Variants in COL1A2 observed in about 807,000 individuals in gnomAD.
The protein encoded by COL1A2 is collagen type I alpha 2 chain, also known as collagen alpha-2(I) chain.
In COL1A2, 49 loss-of-function variants were observed where a neutral mutation model predicts 174.3. That is an observed-to-expected ratio of 0.28 (90% CI 0.22 to 0.36). The LOEUF (loss-of-function observed/expected upper bound fraction) is 0.36. Ranked by LOEUF, COL1A2 falls within the 10% of genes least tolerant of loss-of-function variation. The pLI is 1.00. For synonymous variants in COL1A2, 655 were observed against 606.6 expected, an observed-to-expected ratio of 1.08 and a Z score of -1.17; for missense variants, 1,438 against 1,822.7, an observed-to-expected ratio of 0.79 and a Z score of 3.84.
chr7:94,402,264 G>A (rs1791703208), intron 6 of COL1A2, among the ~76,000 whole-genome samples: 1 of 152,010 alleles, frequency 6.6e-6, no homozygotes, highest in Admixed American at 6.6e-5. Flanking sequence ...CCTTCAATGG[G>A]CCCTAAACTG....
At chr7:94,406,343 T>C in intron 12 of COL1A2, 40 bp downstream of exon 12, 1 of 1,592,942 alleles carries the variant, frequency 6.3e-7, no homozygotes, top group Non-Finnish European at 8.6e-7. Context: ...AAGCACTTGA[T>C]TGAAATTCCC....
chr7:94,409,526 A>C (rs1562900903), intron 17 of COL1A2, 38 bp from the exon 18 acceptor site: 1 of 1,613,906 alleles, frequency 6.2e-7, no homozygotes, highest in South Asian at 1.1e-5. Flanking sequence ...GAAATATTCC[A>C]ATTAACTGAT....
chr7:94,406,157 C>T lies in COL1A2; in HGVS notation c.541-93C>T, dbSNP rs1193378447. On this transcript the variant is annotated intron_variant, in intron 11 of 51. Transcript: ENST00000297268. Reference sequence around the variant, plus strand: ...TCTACTGCAGCAGACAAGACTTACCCAAGAGAGATTAATGGCAAAGATATA... The same window carrying T: ...TCTACTGCAGCAGACAAGACTTACCTAAGAGAGATTAATGGCAAAGATATA... The T allele has an allele frequency of 3.4e-5, 46 of 1,335,080 alleles. 1 individual carries two copies. The highest frequency in any genetic ancestry group is 2.9e-5 in the Non-Finnish European group (27 of 937,036). 82.7% of individuals were successfully genotyped at this position (1,335,080 alleles called of 1,614,324 possible).
intron 42 of COL1A2, 160 bp from the exon 43 acceptor site, chr7:94,425,450 A>G: frequency 1.1e-6 from 1 of 886,564 alleles, no homozygotes; most frequent in South Asian, 1.5e-5. Context: ...ACATCTCTAA[A>G]AAATATCTAG....
chr7:94,404,996 C>T, intron 9 of COL1A2, 104 bp downstream of exon 9: 2 of 1,297,396 alleles, frequency 1.5e-6, no homozygotes, highest in Non-Finnish European at 2.2e-6. Context: ...GCTGAATATG[C>T]CTGACAGAAC....
At chr7:94,417,314 A>G (rs1392311208) in intron 31 of COL1A2, 5 of 277,844 alleles carry the variant, frequency 1.8e-5, no homozygotes. Flanking sequence ...TCTACTCTTA[A>G]GGAGATTAAA....
intron 42 of COL1A2, 119 bp from the exon 43 acceptor site, chr7:94,425,491 G>T (rs1329870436): frequency 1.8e-6 from 2 of 1,094,132 alleles, no homozygotes; most frequent in Admixed American, 1.8e-5. Context: ...AGTTTTAACA[G>T]TCTGAAAGAG....
chr7:94,405,298 T>G, intron 10 of COL1A2, 46 bp downstream of exon 10: 52 of 1,506,484 alleles, frequency 3.5e-5, no homozygotes, highest in Non-Finnish European at 4.4e-5. Flanking sequence ...CATAGGCCTA[T>G]AAGATAGTTG....
Position 94,423,059 on chromosome 7 carries a change from G to A in COL1A2, c.2506G>A (p.Ala836Thr), listed in dbSNP as rs759738995. ...GPVGRTGEVG[A>T]VGPPGFAGEK... ...AGTTGGCCGAACTGGAGAAGTAGGT[G>A]CAGTTGGTCCCCCTGGCTTCGCTGG... Residue 836 changes from alanine (A) to threonine (T), a missense_variant, in exon 40 of 52, where the codon GCA becomes ACA. Physicochemically the swap from Ala to Thr is moderately conservative, Grantham distance 58 (BLOSUM62 0). Transcript: ENST00000297268. 14 of 1,614,038 alleles carry A rather than the reference G, an allele frequency of 8.7e-6. No individual in the cohort carries two copies. In the East Asian group the frequency reaches 2.2e-4, roughly 26 times the overall value.
intron 17 of COL1A2, 51 bp from the exon 18 acceptor site, chr7:94,409,513 A>G (rs1791873165): frequency 4.3e-6 from 7 of 1,613,106 alleles, no homozygotes; most frequent in Non-Finnish European, 5.9e-6. Flanking sequence ...TCAAAGAAGA[A>G]CCGAAATATT....
At chr7:94,425,729 G>A in intron 43 of COL1A2, 21 bp from the exon 44 acceptor site, 1 of 1,613,992 alleles carries the variant, frequency 6.2e-7, no homozygotes, top group Non-Finnish European at 8.5e-7. Context: ...TTGATGCTAA[G>A]CTTCATTTTG....
rs143201262 is a variant in COL1A2, at chr7:94,427,803, C to T, written c.3444C>T (p.Thr1148=). 10 of 1,613,936 alleles carry T rather than the reference C, an allele frequency of 6.2e-6. No homozygotes were observed. In the Admixed American group the frequency reaches 6.7e-5, roughly 11 times the overall value. ...TLKSLNNQIE[T]LLTPEGSRKN... is the part of the protein sequence containing the mutation. ...AGTCTCTCAACAACCAGATTGAGACCCTTCTTACTCCTGAAGGCTCTAGAA... is the reference window on the plus strand; with the variant it reads ...AGTCTCTCAACAACCAGATTGAGACTCTTCTTACTCCTGAAGGCTCTAGAA... Residue 1148 remains threonine, a synonymous_variant, in exon 49 of 52, where the codon ACC becomes ACT. Coordinates refer to ENST00000297268, the MANE Select transcript of COL1A2 (RefSeq NM_000089.4).
intron 21 of COL1A2, 136 bp from the exon 22 acceptor site, chr7:94,410,753 G>T (rs2115897694): frequency 9.9e-7 from 1 of 1,008,094 alleles, no homozygotes; most frequent in Non-Finnish European, 1.5e-6. Flanking sequence ...ATTCCTCTAG[G>T]GGTTGGGTGA....
rs1339455868 is a variant in COL1A2, at chr7:94,413,978, C to T, written c.1665+31C>T. 1.9e-6 allele frequency: 3 copies of T among 1,586,660 alleles called. No homozygotes were observed. The Admixed American group carries it at 5.0e-5, about 26-fold the overall frequency. On this transcript the variant is annotated intron_variant, in intron 28 of 51. Transcript: ENST00000297268. ...TCAACTCAAACATATACAATACTGC[C>T]TTTGGTCAGCCTATTGAGCTGTAAA...
chr7:94,408,873 G>T (rs1791859688), intron 16 of COL1A2, 50 bp downstream of exon 16: 1 of 1,501,664 alleles, frequency 6.7e-7, no homozygotes, highest in Admixed American at 1.7e-5. Context: ...TTTTTACTGT[G>T]ATGTGAAAGA....
intron 13 of COL1A2, 36 bp downstream of exon 13, chr7:94,407,927 G>C (rs1306038562): frequency 1.3e-6 from 2 of 1,574,984 alleles, no homozygotes; most frequent in African/African-American, 2.7e-5. Flanking sequence ...ATTTAAATGT[G>C]TACACTCTTT....
chr7:94,421,466 A>T, intron 38 of COL1A2: 1 of 372,690 alleles, frequency 2.7e-6, no homozygotes, highest in Non-Finnish European at 5.0e-6. Context: ...GACAGTGCTG[A>T]ATTATCTAGG....
Position 94,404,614 on chromosome 7 carries a change from G to A in COL1A2, c.324+14G>A. On this transcript the variant is annotated intron_variant, in intron 7 of 51. Coordinates refer to ENST00000297268, the MANE Select transcript of COL1A2 (RefSeq NM_000089.4). ...GCTGGAGCCCCAGTAAGTACTGAAA[G>A]CTTGTAATGCCTCTTATGTAAAAAG... The A allele has an allele frequency of 6.2e-7, 1 of 1,614,058 alleles. No homozygotes were observed. Among genetic ancestry groups the A allele is most frequent in the African/African-American group, 1.3e-5 (1 of 75,052 alleles).
intron 21 of COL1A2, 86 bp downstream of exon 21, chr7:94,410,613 T>G: frequency 1.7e-6 from 2 of 1,208,096 alleles, no homozygotes; most frequent in Non-Finnish European, 2.4e-6. Context: ...AATTACTGAC[T>G]GTGTTTTCTT....
Sources: gnomAD v4.1 joint callset for allele counts (sites outside exome capture counted in the v4.1 genomes callset) on GRCh38, gnomAD v4.1.1 for gene constraint, MANE v1.5 for transcripts, NCBI Gene and HGNC (gene_info 2026-07-23, HGNC 2026-07-21) for gene names.